WWOX: variants seen among roughly 807,000 people sequenced by gnomAD.
WWOX encodes the protein WW domain-containing oxidoreductase.
In WWOX, 69 loss-of-function variants were observed where a neutral mutation model predicts 46.2. The ratio of observed to expected loss-of-function variants is 1.49; its 90% CI spans 1.23 to 1.82. The LOEUF is 1.82. WWOX is among the 40% of genes most tolerant of loss of function. The pLI is 0.00. For synonymous variants in WWOX, 359 were observed against 202.6 expected, an observed-to-expected ratio of 1.77 and a Z score of -6.56; for missense variants, 919 against 542.6, an observed-to-expected ratio of 1.69 and a Z score of -6.89.
intron 8 of WWOX, among the ~76,000 whole-genome samples, chr16:79,099,421 T>C (rs927816395): frequency 6.6e-6 from 1 of 152,212 alleles, no homozygotes; most frequent in South Asian, 2.1e-4. Flanking sequence ...TGGTGGAGAC[T>C]GTGGTAAACT....
At chr16:79,139,698 G>A (rs1035122421) in intron 8 of WWOX, among the ~76,000 whole-genome samples, 2 of 151,964 alleles carry the variant, frequency 1.3e-5, no homozygotes, top group Admixed American at 6.6e-5. Flanking sequence ...TAGGTTTAGG[G>A]TGTTTGCTTA....
rs959701013 is a variant in WWOX at position 78,507,997 on chromosome 16, C to CGTGTGT, written c.1056+75271_1056+75276dup. ...GTGTTTTTTGATTTTTGGTTGCGTG[C>CGTGTGT]GTGTGTGTGTGTGTGTGTGTGTGTG... On this transcript the variant is annotated intron_variant, in intron 8 of 8. Transcript: ENST00000566780. 2.1e-3 allele frequency among the ~76,000 whole-genome samples: 64 copies of CGTGTGT among 30,948 alleles called. 1 individual carries two copies. The highest frequency in any genetic ancestry group is 2.6e-3 in the African/African-American group (61 of 23,668). 20.3% of individuals were successfully genotyped at this position (30,948 alleles called of 152,430 possible). A position where few individuals can be genotyped will look rare whatever the true frequency, so the allele number is the denominator to read the frequency against.
At chr16:78,723,238 G>A (rs1250813161) in intron 8 of WWOX, among the ~76,000 whole-genome samples, 1 of 152,102 alleles carries the variant, frequency 6.6e-6, no homozygotes, top group Non-Finnish European at 1.5e-5. Context: ...TATATTATAA[G>A]TTTATGCCAC....
chr16:79,010,435 C>A (rs1304822402), intron 8 of WWOX, among the ~76,000 whole-genome samples: 1 of 152,162 alleles, frequency 6.6e-6, no homozygotes, highest in East Asian at 1.9e-4. Context: ...CACGGAGGAC[C>A]TGCCACTGGG....
chr16:78,919,048 A>T lies in WWOX; in HGVS notation c.1057-292560A>T, dbSNP rs566618767. Among the ~76,000 whole-genome samples, 4 of 152,212 alleles carry T rather than the reference A, an allele frequency of 2.6e-5. No individual in the cohort carries two copies. In the South Asian group the frequency reaches 8.3e-4, roughly 32 times the overall value. On this transcript the variant is annotated intron_variant, in intron 8 of 8. Coordinates refer to ENST00000566780, the MANE Select transcript of WWOX (RefSeq NM_016373.4). Reference sequence around the variant, plus strand: ...TAACTTCGTTAAGTTCAGTCATAGCAGCCGCTGCCAAGGGGGGCTGTTCCT... The same window carrying T: ...TAACTTCGTTAAGTTCAGTCATAGCTGCCGCTGCCAAGGGGGGCTGTTCCT...
intron 8 of WWOX, among the ~76,000 whole-genome samples, chr16:79,042,638 G>C (rs772462885): frequency 2.0e-5 from 3 of 151,954 alleles, no homozygotes; most frequent in African/African-American, 7.2e-5. Context: ...CTCAAGTGCA[G>C]TTAATCATAC....
intron 5 of WWOX, among the ~76,000 whole-genome samples, chr16:78,379,617 C>A (rs996074256): frequency 1.3e-5 from 2 of 152,168 alleles, no homozygotes; most frequent in African/African-American, 2.4e-5. Flanking sequence ...CCCACATGCA[C>A]AAGATGGGAG....
At chr16:78,582,588 C>T (rs1278524398) in intron 8 of WWOX, among the ~76,000 whole-genome samples, 3 of 152,158 alleles carry the variant, frequency 2.0e-5, no homozygotes, top group Non-Finnish European at 4.4e-5. Context: ...TGATCAATGA[C>T]ACCTTTACAA....
chr16:78,666,479 T>C (rs1314318439), intron 8 of WWOX, among the ~76,000 whole-genome samples: 1 of 152,212 alleles, frequency 6.6e-6, no homozygotes, highest in Non-Finnish European at 1.5e-5. Flanking sequence ...TTGAATATTG[T>C]AATTTGCCTT....
intron 8 of WWOX, among the ~76,000 whole-genome samples, chr16:78,463,216 T>G (rs541157114): frequency 1.3e-5 from 2 of 152,302 alleles, no homozygotes; most frequent in South Asian, 4.1e-4. Flanking sequence ...AGCTTGGCAT[T>G]TTTCTTAACG....
At chr16:78,825,356 A>C (rs1448851925) in intron 8 of WWOX, 3 of 287,808 alleles carry the variant, frequency 1.0e-5, no homozygotes. Flanking sequence ...TCAGTTTCTT[A>C]CTCCGGAGCT....
intron 8 of WWOX, among the ~76,000 whole-genome samples, chr16:78,435,118 G>A (rs377628538): frequency 9.1e-4 from 139 of 152,210 alleles, no homozygotes; most frequent in African/African-American, 3.3e-3. Context: ...TAGCTGTTTT[G>A]GGAGTACGTG....
chr16:78,304,926 C>T (rs1266874312), intron 5 of WWOX, among the ~76,000 whole-genome samples: 1 of 151,920 alleles, frequency 6.6e-6, no homozygotes, highest in Non-Finnish European at 1.5e-5. Context: ...CCTCTCTTTC[C>T]TTCCTCTTTT....
Position 78,293,998 on chromosome 16 carries a change from A to C in WWOX, c.517-92862A>C, listed in dbSNP as rs190368527. On this transcript the variant is annotated intron_variant, in intron 5 of 8. Transcript: ENST00000566780. Reference sequence around the variant, plus strand: ...TCTCAGAAAAAAAAAAAAAAAAAAAAAAAAAAAAAAAAGGCTTTCCTGAAA... The same window carrying C: ...TCTCAGAAAAAAAAAAAAAAAAAAACAAAAAAAAAAAAGGCTTTCCTGAAA... Among the ~76,000 whole-genome samples, 1,175 of 150,564 alleles carry C rather than the reference A, an allele frequency of 7.8e-3. 26 individuals are homozygous for C. Among genetic ancestry groups the C allele is most frequent in the African/African-American group, 0.028 (1,131 of 41,074 alleles).
At position 78,792,932 on chromosome 16, in the gene WWOX, C is replaced by T. The variant is rs1005928366; in HGVS notation, c.1056+360180C>T. Among the ~76,000 whole-genome samples the T allele has an allele frequency of 2.6e-5, 4 of 152,206 alleles. No homozygotes were observed. In the East Asian group the frequency reaches 7.7e-4, roughly 29 times the overall value. ...CAGAAGGAAAGACGCAGACCCAAAC[C>T]TTGATAACCATGGCAATGCAATAGG... On this transcript the variant is annotated intron_variant, in intron 8 of 8. Transcript: ENST00000566780.
intron 8 of WWOX, among the ~76,000 whole-genome samples, chr16:78,860,360 G>A (rs568531404): frequency 3.5e-4 from 53 of 152,252 alleles, no homozygotes; most frequent in African/African-American, 1.3e-3. Context: ...TGGATATAAC[G>A]TCTGTTCTGA....
chr16:78,893,470 C>T (rs72804729), intron 8 of WWOX, among the ~76,000 whole-genome samples: 3 of 152,112 alleles, frequency 2.0e-5, no homozygotes, highest in Non-Finnish European at 4.4e-5. Context: ...GAAACCATCT[C>T]CAGGCTAGAA....
At chr16:78,661,678 TG>T (rs1440908715) in intron 8 of WWOX, among the ~76,000 whole-genome samples, 1 of 149,790 alleles carries the variant, frequency 6.7e-6, no homozygotes, top group Non-Finnish European at 1.5e-5. Flanking sequence ...GTGCATGGAA[TG>T]GGGGGAAAAG....
intron 8 of WWOX, among the ~76,000 whole-genome samples, chr16:79,173,059 T>C (rs2050732514): frequency 6.6e-6 from 1 of 152,156 alleles, no homozygotes; most frequent in African/African-American, 2.4e-5. Flanking sequence ...TCCATTTCAT[T>C]GCATTGGAAA....
Sources: gnomAD v4.1 joint callset for allele counts (sites outside exome capture counted in the v4.1 genomes callset) on GRCh38, gnomAD v4.1.1 for gene constraint, MANE v1.5 for transcripts, NCBI Gene and HGNC (gene_info 2026-07-23, HGNC 2026-07-21) for gene names.